Variants in PCDHA4 observed in about 807,000 individuals in gnomAD.
The protein encoded by PCDHA4 is protocadherin alpha 4.
PCDHA4 carries 49 observed loss-of-function variants against 61.4 expected under a neutral mutation model. That is an observed-to-expected ratio of 0.80 (90% CI 0.63 to 1.01). The LOEUF (loss-of-function observed/expected upper bound fraction) is 1.01. Ranked by LOEUF, PCDHA4 falls within the 50% of genes least tolerant of loss-of-function variation. The pLI is 0.00. For synonymous variants in PCDHA4, 590 were observed against 550.3 expected (o/e 1.07, Z -1.01); for missense variants, 1,254 against 1,235.8 (o/e 1.01, Z -0.22).
At position 140,829,584 on chromosome 5, in the gene PCDHA4, G is replaced by C. The variant is rs1198811288; in HGVS notation, c.2385+20012G>C. ...GTGTCCTACTCGCTGGTGGAGCGGC[G>C]GGTGGGCGAGCGCGCGTTGTCGAGC... is the stretch of plus-strand genomic sequence containing the variant. On this transcript the variant is annotated intron_variant, in intron 1 of 3. Transcript: ENST00000530339. The C allele has an allele frequency of 4.3e-6, 7 of 1,612,242 alleles. No homozygotes were observed. In the East Asian group the frequency reaches 1.3e-4, roughly 31 times the overall value.
At chr5:140,871,176 GCT>G in intron 1 of PCDHA4, 6 of 1,613,534 alleles carry the variant, frequency 3.7e-6, no homozygotes, top group Non-Finnish European at 5.1e-6. Context: ...CAGAGGCTGC[GCT>G]GGTGGATGTC....
intron 2 of PCDHA4, 146 bp downstream of exon 2, chr5:140,979,153 G>A (rs2096837239): frequency 2.8e-6 from 4 of 1,434,028 alleles, no homozygotes; most frequent in Non-Finnish European, 2.7e-6. Context: ...TTGTCCCCAT[G>A]TTTATTCCTT....
At chr5:140,968,355 G>A in intron 1 of PCDHA4, 1 of 1,614,080 alleles carries the variant, frequency 6.2e-7, no homozygotes, top group South Asian at 1.1e-5. Context: ...GCCAGTGGCA[G>A]CCTTTATGCT....
chr5:140,922,989 G>A (rs2081104632), intron 1 of PCDHA4, among the ~76,000 whole-genome samples: 1 of 152,214 alleles, frequency 6.6e-6, no homozygotes, highest in Non-Finnish European at 1.5e-5. Context: ...CAATAGGCAA[G>A]CCATGAGAAT....
At chr5:140,932,755 GA>G (rs1554209056) in intron 1 of PCDHA4, among the ~76,000 whole-genome samples, 4 of 151,730 alleles carry the variant, frequency 2.6e-5, no homozygotes, top group Non-Finnish European at 5.9e-5. Context: ...AAAAAGGAAA[GA>G]AAAAGAACAT....
rs182447320 is a variant in PCDHA4, at chr5:140,868,739, C to A, written c.2385+59167C>A. 921 of 204,056 alleles carry A rather than the reference C, an allele frequency of 4.5e-3. 4 individuals carry two copies. The highest frequency in any genetic ancestry group is 0.012 in the Middle Eastern group (6 of 494). The allele number at this position is 204,056 out of a possible 1,614,324, so 12.6% of individuals were successfully genotyped here. ...TAAATTTGATGTTAATCGAGAAATACAATGCCATTTCCATATATATTTAGT... is the reference window on the plus strand; with the variant it reads ...TAAATTTGATGTTAATCGAGAAATAAAATGCCATTTCCATATATATTTAGT... On this transcript the variant is annotated intron_variant, in intron 1 of 3. Transcript: ENST00000530339.
chr5:140,836,511 CTG>C, intron 1 of PCDHA4: 2 of 1,613,860 alleles, frequency 1.2e-6, no homozygotes, highest in Non-Finnish European at 1.7e-6. Flanking sequence ...GGTGTCCAGT[CTG>C]TTGGTGCTTA....
At chr5:140,927,889 G>A in intron 1 of PCDHA4, 3 of 1,614,226 alleles carry the variant, frequency 1.9e-6, no homozygotes, top group Non-Finnish European at 2.5e-6. Flanking sequence ...GGTGACTGAC[G>A]TGAACGATCA....
At chr5:140,976,523 C>T in intron 1 of PCDHA4, among the ~76,000 whole-genome samples, 1 of 151,724 alleles carries the variant, frequency 6.6e-6, no homozygotes. Flanking sequence ...TGCACACCAG[C>T]CTAAATGACA....
At chr5:140,856,096 GCTT>G (rs782403061) in intron 1 of PCDHA4, 1 of 1,597,460 alleles carries the variant, frequency 6.3e-7, no homozygotes, top group South Asian at 1.1e-5. Flanking sequence ...TGCTGCTCTC[GCTT>G]CTTCTCCTCG....
At chr5:140,895,080 C>T (rs537991545) in intron 1 of PCDHA4, among the ~76,000 whole-genome samples, 11 of 152,246 alleles carry the variant, frequency 7.2e-5, no homozygotes, top group Admixed American at 1.3e-4. Context: ...CTATCAGTTC[C>T]TCCTCAGTAT....
At chr5:140,987,681 G>A (rs1554249426) in intron 3 of PCDHA4, among the ~76,000 whole-genome samples, 2 of 152,184 alleles carry the variant, frequency 1.3e-5, no homozygotes, top group Non-Finnish European at 2.9e-5. Context: ...TTAGTAAATA[G>A]TAGCTATTTT....
chr5:140,978,036 C>T (rs1460377915), intron 1 of PCDHA4, among the ~76,000 whole-genome samples: 22 of 152,268 alleles, frequency 1.4e-4, no homozygotes, highest in Admixed American at 1.4e-3. Context: ...TGATACAAGA[C>T]AGTGATGGTG....
chr5:140,841,810 A>G (rs782078620), intron 1 of PCDHA4: 2 of 1,613,740 alleles, frequency 1.2e-6, no homozygotes. Context: ...CAGATGTTGG[A>G]GCTAACTCCG....
intron 1 of PCDHA4, among the ~76,000 whole-genome samples, chr5:140,947,890 G>A (rs1233922642): frequency 1.3e-5 from 2 of 151,506 alleles, no homozygotes; most frequent in African/African-American, 4.8e-5. Context: ...AATATAAACA[G>A]AAGTGGTGAG....
chr5:140,891,433 G>A (rs1256174929), intron 1 of PCDHA4, among the ~76,000 whole-genome samples: 1 of 145,874 alleles, frequency 6.9e-6, no homozygotes, highest in African/African-American at 2.6e-5. Flanking sequence ...AGTCCCCAAC[G>A]TCCATTGTAT....
Position 140,852,281 on chromosome 5 carries a change from T to C in PCDHA4, c.2385+42709T>C, listed in dbSNP as rs2150514779. ...ATGCTACAATATTACATGTTTTTTG[T>C]CTTTTTATTTTTCTGAGACGGAGTC... On this transcript the variant is annotated intron_variant, in intron 1 of 3. Coordinates refer to ENST00000530339, the MANE Select transcript of PCDHA4 (RefSeq NM_018907.4). 5.5e-5 allele frequency: 28 copies of C among 508,306 alleles called. 1 individual carries two copies. In the South Asian group the frequency reaches 2.0e-3, roughly 37 times the overall value. 31.5% of individuals were successfully genotyped at this position (508,306 alleles called of 1,614,324 possible).
At position 140,856,259 on chromosome 5, in the gene PCDHA4, G is replaced by T. The variant is rs199529084; in HGVS notation, c.2385+46687G>T. The T allele has an allele frequency of 2.8e-5, 45 of 1,597,976 alleles. 8 individuals are homozygous for T. Among genetic ancestry groups the T allele is most frequent in the Non-Finnish European group, 2.9e-5 (34 of 1,167,878 alleles). The stretch of plus-strand genomic sequence containing the variant: ...GTTCCGGGTGGCGTCCAAAAGACAC[G>T]GGGACCTTCTGGAGGTAAATCTGCA... On this transcript the variant is annotated intron_variant, in intron 1 of 3. Coordinates refer to ENST00000530339, the MANE Select transcript of PCDHA4 (RefSeq NM_018907.4).
Position 140,808,287 on chromosome 5 carries a change from C to T in PCDHA4, c.1100C>T (p.Thr367Ile). The change falls in exon 1 of 4, where the codon ACA (threonine) becomes ATA (isoleucine). Residue 367 changes from threonine (T) to isoleucine (I), a missense_variant. Thr to Ile is a moderately conservative substitution (Grantham distance 89). Coordinates refer to ENST00000530339, the MANE Select transcript of PCDHA4 (RefSeq NM_018907.4). Reference protein sequence around the residue: ...LPIREDAPLGTVIALISVSDK... With the variant: ...LPIREDAPLGIVIALISVSDK... ...ATTAGAGAGGACGCTCCACTGGGTA[C>T]AGTCATCGCCCTGATCAGCGTGTCC... is the stretch of plus-strand genomic sequence containing the variant. 2 of 1,614,268 alleles carry T rather than the reference C, an allele frequency of 1.2e-6. No individual in the cohort carries two copies. Among genetic ancestry groups the T allele is most frequent in the Non-Finnish European group, 1.7e-6 (2 of 1,180,052 alleles).
Sources: gnomAD v4.1 joint callset for allele counts (sites outside exome capture counted in the v4.1 genomes callset) on GRCh38, gnomAD v4.1.1 for gene constraint, MANE v1.5 for transcripts, NCBI Gene and HGNC (gene_info 2026-07-23, HGNC 2026-07-21) for gene names.